Variants in TENT5B observed in about 807,000 individuals in gnomAD.
The protein encoded by TENT5B is family with sequence similarity 46 member B.
Under a neutral mutation model 21.7 loss-of-function variants are expected in TENT5B, and 12 were observed. The ratio of observed to expected loss-of-function variants is 0.55; its 90% confidence interval spans 0.36 to 0.90. TENT5B has a LOEUF of 0.90. TENT5B is among the 40% of genes least tolerant of loss of function. The pLI, the probability that TENT5B is intolerant of heterozygous loss-of-function variation, is 0.01. For missense variants in TENT5B, 540 were observed against 601.5 expected (o/e 0.90, Z 1.07); for synonymous variants, 262 against 266.6 (o/e 0.98, Z 0.17).
At chr1:27,009,372 A>G (rs772075478) in intron 1 of TENT5B, among the ~76,000 whole-genome samples, 2 of 152,168 alleles carry the variant, frequency 1.3e-5, no homozygotes, top group Non-Finnish European at 2.9e-5. Flanking sequence ...AGCAAAGCCT[A>G]TCCTGTTTCT....
At chr1:27,007,777 T>A (rs1257708564) in intron 1 of TENT5B, among the ~76,000 whole-genome samples, 1 of 152,212 alleles carries the variant, frequency 6.6e-6, no homozygotes, top group Non-Finnish European at 1.5e-5. Context: ...GTGTTGGGAA[T>A]ATGGTTAGCA....
rs1557704561 is a variant in TENT5B, at chr1:27,012,596, CGCCGTGGCCGCA to C, written c.63_74del (p.Ala22_Ala25del). The C allele has an allele frequency of 6.5e-7, 1 of 1,531,248 alleles. No homozygotes were observed. The highest frequency in any genetic ancestry group is 8.7e-7 in the Non-Finnish European group (1 of 1,145,112). The allele number at this position is 1,531,248 out of a possible 1,614,324, so 94.9% of individuals were successfully genotyped here. A position where few individuals can be genotyped will look rare whatever the true frequency, so the allele number is the denominator to read the frequency against. On this transcript the variant is annotated inframe_deletion, in exon 1 of 2. Coordinates refer to ENST00000289166, the MANE Select transcript of TENT5B (RefSeq NM_052943.4). ...CGCCTGCCGGGGCTGCCGTGGCCACCGCCGTGGCCGCAGCCGTCCCCACCTGAGCAGCCGCCC... is the reference window on the plus strand; with the variant it reads ...CGCCTGCCGGGGCTGCCGTGGCCACCGCCGTCCCCACCTGAGCAGCCGCCC...
Position 27,006,841 on chromosome 1 carries a change from G to A in TENT5B, c.381C>T (p.Asp127=). The change falls in exon 2 of 2, where the codon GAC becomes GAT. Residue 127 remains aspartate, a synonymous_variant. Transcript: ENST00000289166. This position sits in a 1 kb window ranked among gnomAD's most constrained non-coding sequence, Gnocchi z 9.4. ...TGCGCAGGTCCACCCGGAACACCAGGTCCAGATCCTTGTAGCCCAGGCCAC... is the reference window on the plus strand; with the variant it reads ...TGCGCAGGTCCACCCGGAACACCAGATCCAGATCCTTGTAGCCCAGGCCAC... The part of the protein sequence containing the change: ...PESGLGYKDL[D]LVFRVDLRSE... 1 of 1,614,038 alleles carries A rather than the reference G, an allele frequency of 6.2e-7. No individual in the cohort carries two copies. The highest frequency in any genetic ancestry group is 8.5e-7 in the Non-Finnish European group (1 of 1,180,038).
chr1:27,008,988 T>C (rs1186566512), intron 1 of TENT5B, among the ~76,000 whole-genome samples: 3 of 127,478 alleles, frequency 2.4e-5, no homozygotes, highest in African/African-American at 9.1e-5. Flanking sequence ...TTTTTTTTTT[T>C]TTTTTTTTTT....
intron 1 of TENT5B, among the ~76,000 whole-genome samples, chr1:27,011,687 T>C (rs1363442349): frequency 1.3e-5 from 2 of 152,206 alleles, no homozygotes; most frequent in African/African-American, 4.8e-5. Flanking sequence ...GCTGTCAGAA[T>C]TCTCTTCTCC....
At chr1:27,011,204 GC>G (rs1398508938) in intron 1 of TENT5B, among the ~76,000 whole-genome samples, 1 of 152,138 alleles carries the variant, frequency 6.6e-6, no homozygotes, top group Non-Finnish European at 1.5e-5. Flanking sequence ...AGGAGAATCT[GC>G]CCCCGCCCCC....
intron 1 of TENT5B, among the ~76,000 whole-genome samples, chr1:27,011,110 G>A (rs746986076): frequency 2.6e-5 from 4 of 152,188 alleles, no homozygotes; most frequent in South Asian, 2.1e-4. Context: ...TTAAAGCCTC[G>A]ACTGGTTTCC....
chr1:27,008,351 T>C (rs182925518), intron 1 of TENT5B, among the ~76,000 whole-genome samples: 8 of 152,186 alleles, frequency 5.3e-5, no homozygotes, highest in African/African-American at 1.4e-4. Context: ...CTACAAAGAA[T>C]GCACCTAAGT....
rs2082600081 is a variant in TENT5B, at chr1:27,006,501, A to G, written c.721T>C (p.Phe241Leu). 1 of 1,613,988 alleles carries G rather than the reference A, an allele frequency of 6.2e-7. No homozygotes were observed. Among genetic ancestry groups the G allele is most frequent in the South Asian group, 1.1e-5 (1 of 91,092 alleles). Residue 241 changes from phenylalanine (F) to leucine (L), a missense_variant, in exon 2 of 2, where the codon TTC (phenylalanine) becomes CTC (leucine). By Grantham distance (22) the Phe-to-Leu change is conservative. Transcript: ENST00000289166. This position sits in a 1 kb window ranked among gnomAD's most constrained non-coding sequence, Gnocchi z 9.4. ...QCSSTPMSEA[F>L]HPTVTGESLY... is the part of the protein sequence containing the mutation. ...CTTTCGCCTGTGACCGTTGGGTGGA[A>G]GGCCTCAGACATGGGAGTGGACGAG... is the stretch of plus-strand genomic sequence containing the variant.
In TENT5B at chr1:27,012,818, T is replaced by C; in HGVS notation, c.-148A>G. On this transcript the variant is annotated 5_prime_UTR_variant, in exon 1 of 2. Coordinates refer to ENST00000289166, the MANE Select transcript of TENT5B (RefSeq NM_052943.4). ...CGGCGAGACAAAGCCAGGGAACACC[T>C]CAGACGGCGACGACTAACCGACCCT... 2 of 1,084,542 alleles carry C rather than the reference T, an allele frequency of 1.8e-6. No homozygotes were observed. The highest frequency in any genetic ancestry group is 2.5e-6 in the Non-Finnish European group (2 of 812,782). 67.2% of individuals were successfully genotyped at this position (1,084,542 alleles called of 1,614,324 possible). A position where few individuals can be genotyped will look rare whatever the true frequency, so the allele number is the denominator to read the frequency against.
chr1:27,008,497 G>A (rs575522651), intron 1 of TENT5B, among the ~76,000 whole-genome samples: 42 of 152,330 alleles, frequency 2.8e-4, no homozygotes, highest in Admixed American at 2.3e-3. Context: ...CAAGGAACAC[G>A]GAGAATGGGG....
At position 27,006,847 on chromosome 1, in the gene TENT5B, A is replaced by G. The variant is rs2082602465; in HGVS notation, c.375T>C (p.Asp125=). The G allele has an allele frequency of 1.2e-6, 2 of 1,613,850 alleles. No individual in the cohort carries two copies. The highest frequency in any genetic ancestry group is 2.7e-5 in the African/African-American group (2 of 74,876). ...GGTCCACCCGGAACACCAGGTCCAG[A>G]TCCTTGTAGCCCAGGCCACTCTCAG... ...LHPESGLGYK[D]LDLVFRVDLR... is the part of the protein sequence containing the mutation. Residue 125 remains aspartate, a synonymous_variant, in exon 2 of 2, where the codon GAT becomes GAC. Transcript: ENST00000289166. The surrounding 1 kb of genome is among the most constrained non-coding windows in gnomAD (Gnocchi z 9.4).
At position 27,006,089 on chromosome 1, in the gene TENT5B, G is replaced by A. The variant is rs758854706; in HGVS notation, c.1133C>T (p.Ala378Val). 6.2e-7 allele frequency: 1 copy of A among 1,610,286 alleles called. No homozygotes were observed. The highest frequency in any genetic ancestry group is 8.5e-7 in the Non-Finnish European group (1 of 1,177,990). ...GGCAGTGGCAGCTGGGCCCTGCTCAGCCAGTGCCTGCAGCGCCAGTGCGGC... is the reference window on the plus strand; with the variant it reads ...GGCAGTGGCAGCTGGGCCCTGCTCAACCAGTGCCTGCAGCGCCAGTGCGGC... ...LIAALALQALAEQGPAATAAL... is the reference protein window; with the variant it reads ...LIAALALQALVEQGPAATAAL... The change falls in exon 2 of 2, where the codon GCT becomes GTT. Residue 378 changes from alanine to valine, a missense_variant. Ala to Val is a moderately conservative substitution (Grantham distance 64). Transcript: ENST00000289166. The surrounding 1 kb of genome is among the most constrained non-coding windows in gnomAD (Gnocchi z 9.4).
intron 1 of TENT5B, among the ~76,000 whole-genome samples, chr1:27,007,932 G>T (rs1411020315): frequency 6.6e-6 from 1 of 152,152 alleles, no homozygotes; most frequent in Non-Finnish European, 1.5e-5. Flanking sequence ...GGTTAGTTGG[G>T]ATTCTCAAGT....
chr1:27,007,617 C>A (rs1465995362), intron 1 of TENT5B, among the ~76,000 whole-genome samples: 1 of 151,426 alleles, frequency 6.6e-6, no homozygotes. Flanking sequence ...GTCTTTAACT[C>A]CTGACCTCGT....
At chr1:27,011,345 G>A (rs2082623025) in intron 1 of TENT5B, among the ~76,000 whole-genome samples, 1 of 152,186 alleles carries the variant, frequency 6.6e-6, no homozygotes, top group African/African-American at 2.4e-5. Flanking sequence ...CCATCAGTTG[G>A]CAGGAACGCA....
chr1:27,006,905 AGC>A lies in TENT5B; in HGVS notation c.315_316del (p.Leu106AlafsTer12). On this transcript the variant is annotated frameshift_variant, in exon 2 of 2. Coordinates refer to ENST00000289166, the MANE Select transcript of TENT5B (RefSeq NM_052943.4). LOFTEE classifies it high-confidence loss of function. The surrounding 1 kb of genome is among the most constrained non-coding windows in gnomAD (Gnocchi z 9.4). ...CACGTGGCTGGCAGCTGAACCATGC[AGC>A]CGCACACTGTGCACATGTAGTCCCT... 6.2e-7 allele frequency: 1 copy of A among 1,612,764 alleles called. No homozygotes were observed. Among genetic ancestry groups the A allele is most frequent in the Non-Finnish European group, 8.5e-7 (1 of 1,179,442 alleles).
At position 27,006,877 on chromosome 1, in the gene TENT5B, C is replaced by T. The variant is rs770779350; in HGVS notation, c.345G>A (p.Leu115=). 2.7e-5 allele frequency: 43 copies of T among 1,613,782 alleles called. No individual in the cohort carries two copies. Among genetic ancestry groups the T allele is most frequent in the Admixed American group, 3.3e-5 (2 of 59,992 alleles). ...TGTAGCCCAGGCCACTCTCAGGGTGCAGCACGTGGCTGGCAGCTGAACCAT... is the reference window on the plus strand; with the variant it reads ...TGTAGCCCAGGCCACTCTCAGGGTGTAGCACGTGGCTGGCAGCTGAACCAT... The part of the protein sequence containing the change: ...RLHGSAASHV[L]HPESGLGYKD... The change falls in exon 2 of 2, where the codon CTG becomes CTA. Residue 115 remains leucine, a synonymous_variant. Coordinates refer to ENST00000289166, the MANE Select transcript of TENT5B (RefSeq NM_052943.4). The surrounding 1 kb of genome is among the most constrained non-coding windows in gnomAD (Gnocchi z 9.4).
rs758965437 is a variant in TENT5B at position 27,012,691 on chromosome 1, G to T, written c.-21C>A. On this transcript the variant is annotated 5_prime_UTR_variant, in exon 1 of 2. Transcript: ENST00000289166. ...ATCATCCGCCCGGCCCCCGGGCCCC[G>T]ACGGCAGAAACCGTGGGGGTGGTTA... is the stretch of plus-strand genomic sequence containing the variant. 5 of 1,451,788 alleles carry T rather than the reference G, an allele frequency of 3.4e-6. No homozygotes were observed. Among genetic ancestry groups the T allele is most frequent in the Admixed American group, 3.3e-5 (1 of 30,714 alleles). The allele number at this position is 1,451,788 out of a possible 1,614,324, so 89.9% of individuals were successfully genotyped here. A position where few individuals can be genotyped will look rare whatever the true frequency, so the allele number is the denominator to read the frequency against.
Sources: allele counts gnomAD v4.1 joint callset (sites outside exome capture counted in the v4.1 genomes callset), GRCh38; gene constraint gnomAD v4.1.1; non-coding constraint Gnocchi (gnomAD v3.1); transcripts MANE v1.5; gene names NCBI Gene and HGNC (gene_info 2026-07-23, HGNC 2026-07-21).